GRIK3: variants seen among roughly 807,000 people sequenced by gnomAD.
The protein encoded by GRIK3 is glutamate ionotropic receptor kainate type subunit 3, also known as glutamate receptor ionotropic, kainate 3.
GRIK3 carries 29 observed loss-of-function variants against 102.5 expected under a neutral mutation model. That is an observed-to-expected ratio of 0.28 (90% CI 0.21 to 0.39). The LOEUF is 0.39. Ranked by LOEUF, GRIK3 falls within the 10% of genes least tolerant of loss-of-function variation. The pLI, the probability that GRIK3 is intolerant of heterozygous loss-of-function variation, is 1.00. For missense variants in GRIK3, 908 were observed against 1,252.4 expected, an observed-to-expected ratio of 0.73 and a Z score of 4.15; for synonymous variants, 511 against 504.9, an observed-to-expected ratio of 1.01 and a Z score of -0.16.
In GRIK3 at chr1:36,819,904, C is replaced by T. The variant is rs1043182481; in HGVS notation, c.1755-50G>A. On this transcript the variant is annotated intron_variant, in intron 11 of 15. Transcript: ENST00000373091. This position sits in a 1 kb window ranked among gnomAD's most constrained non-coding sequence, Gnocchi z 4.1. ...CAGCCTGGGAAGCAAGGGGCATCCACGCCCCAGCAGGCAGTGGTTTAGCAA... is the reference window on the plus strand; with the variant it reads ...CAGCCTGGGAAGCAAGGGGCATCCATGCCCCAGCAGGCAGTGGTTTAGCAA... 17 of 929,360 alleles carry T rather than the reference C, an allele frequency of 1.8e-5. No homozygotes were observed. The highest frequency in any genetic ancestry group is 2.8e-5 in the South Asian group (2 of 72,240). The allele number at this position is 929,360 out of a possible 1,614,324, so 57.6% of individuals were successfully genotyped here.
At chr1:36,893,361 ATG>A (rs1641138282) in intron 1 of GRIK3, among the ~76,000 whole-genome samples, 1 of 152,212 alleles carries the variant, frequency 6.6e-6, no homozygotes. Flanking sequence ...CCATAGAAAA[ATG>A]TGCAAAGGAC....
chr1:36,841,827 G>T lies in GRIK3; in HGVS notation c.1439C>A (p.Ser480Tyr), dbSNP rs1281653949. 2 of 1,614,050 alleles carry T rather than the reference G, an allele frequency of 1.2e-6. No homozygotes were observed. The highest frequency in any genetic ancestry group is 1.7e-6 in the Non-Finnish European group (2 of 1,180,010). ...LKELAHILGF[S>Y]YEIRLVEDGK... The stretch of plus-strand genomic sequence containing the variant: ...GTCCTCCACCAGCCGGATCTCATAG[G>T]AGAAACCAAGGATGTGGGCCAGCTC... The change falls in exon 10 of 16, where the codon TCC becomes TAC. Residue 480 changes from serine to tyrosine, a missense_variant. By Grantham distance (144) the Ser-to-Tyr change is moderately radical. Around this residue, in one of 3 missense-constraint regions of GRIK3, gnomAD observed 585 missense variants for 824.9 expected, o/e 0.71. Coordinates refer to ENST00000373091, the MANE Select transcript of GRIK3 (RefSeq NM_000831.4).
chr1:36,878,276 G>C (rs987613237), intron 3 of GRIK3, among the ~76,000 whole-genome samples: 9 of 152,248 alleles, frequency 5.9e-5, no homozygotes, highest in Non-Finnish European at 1.0e-4. Context: ...GAGGTGGGCA[G>C]GAGTGCCCCT....
chr1:36,826,513 A>G (rs751131912), intron 10 of GRIK3, among the ~76,000 whole-genome samples: 1 of 152,030 alleles, frequency 6.6e-6, no homozygotes, highest in Non-Finnish European at 1.5e-5. Context: ...ACAAAAAATT[A>G]AAAAGTTAGC....
At chr1:36,905,994 T>C (rs1192461303) in intron 1 of GRIK3, among the ~76,000 whole-genome samples, 1 of 152,134 alleles carries the variant, frequency 6.6e-6, no homozygotes, top group African/African-American at 2.4e-5. Context: ...ACAAGGATGG[T>C]GACATGTCTC....
In GRIK3 at chr1:36,805,140, C is replaced by A. The variant is rs41267295; in HGVS notation, c.2412G>T (p.Gly804=). ...CCTCTTTGTTTTCCTCCTCAGGACA[C>A]CCGCTGCCCCGCCACCACTTCTCCT... ...IMKEKWWRGS[G]CPEEENKEAS... The change falls in exon 15 of 16, where the codon GGG becomes GGT. Residue 804 remains glycine (G), a synonymous_variant. Transcript: ENST00000373091. 5.0e-6 allele frequency: 8 copies of A among 1,614,190 alleles called. No individual in the cohort carries two copies. Among genetic ancestry groups the A allele is most frequent in the Non-Finnish European group, 6.8e-6 (8 of 1,180,030 alleles).
At chr1:36,890,887 G>C in intron 2 of GRIK3, 33 bp downstream of exon 2, 1 of 1,539,092 alleles carries the variant, frequency 6.5e-7, no homozygotes, top group Non-Finnish European at 8.8e-7. Flanking sequence ...CCCCAGGCTG[G>C]GAAGAGAACA....
At position 37,034,171 on chromosome 1, in the gene GRIK3, T is replaced by C; in HGVS notation, c.-63A>G. ...GGCGGGCTCCCTGGGGCGGCAGCTC[T>C]AGGCGCGGGCGCGCAGCAGCCCCGA... On this transcript the variant is annotated 5_prime_UTR_variant, in exon 1 of 16. The change abolishes the stop of an existing upstream ORF in the 5' untranslated region. Coordinates refer to ENST00000373091, the MANE Select transcript of GRIK3 (RefSeq NM_000831.4). 1 of 654,006 alleles carries C rather than the reference T, an allele frequency of 1.5e-6. No individual in the cohort carries two copies. The highest frequency in any genetic ancestry group is 2.0e-5 in the African/African-American group (1 of 51,082). The allele number at this position is 654,006 out of a possible 1,614,324, so 40.5% of individuals were successfully genotyped here.
At chr1:36,917,928 C>T (rs536038368) in intron 1 of GRIK3, among the ~76,000 whole-genome samples, 1 of 152,270 alleles carries the variant, frequency 6.6e-6, no homozygotes, top group African/African-American at 2.4e-5. Context: ...CCAGTCACAG[C>T]CACTCAGAAA....
Position 36,880,592 on chromosome 1 carries a change from C to T in GRIK3, c.550+42G>A, listed in dbSNP as rs774254976. ...GAGCTTGATCCTGGGCCTCTGCCCCCCTCAACCGTTGCCCCCAGCCTAGCC... is the reference window on the plus strand; with the variant it reads ...GAGCTTGATCCTGGGCCTCTGCCCCTCTCAACCGTTGCCCCCAGCCTAGCC... On this transcript the variant is annotated intron_variant, in intron 3 of 15. Transcript: ENST00000373091. The surrounding 1 kb of genome is among the most constrained non-coding windows in gnomAD (Gnocchi z 5.4). 6.9e-6 allele frequency: 11 copies of T among 1,598,798 alleles called. No homozygotes were observed. In the African/African-American group the frequency reaches 8.0e-5, roughly 12 times the overall value.
At chr1:36,847,064 G>A (rs1640527811) in intron 9 of GRIK3, among the ~76,000 whole-genome samples, 2 of 152,264 alleles carry the variant, frequency 1.3e-5, no homozygotes, top group Admixed American at 6.5e-5. Flanking sequence ...TGGGGATGGA[G>A]ACAGCTGAAT....
Position 36,919,620 on chromosome 1 carries a change from T to C in GRIK3, c.116-28524A>G, listed in dbSNP as rs116707157. 1.1e-3 allele frequency among the ~76,000 whole-genome samples: 170 copies of C among 152,166 alleles called. 1 individual carries two copies. Among genetic ancestry groups the C allele is most frequent in the African/African-American group, 3.7e-3 (154 of 41,518 alleles). Reference sequence around the variant, plus strand: ...ACCCTGCCAGCCATCTCCTTCCAGGTATCAGTTTTTCTCACTCTCTGTCTC... The same window carrying C: ...ACCCTGCCAGCCATCTCCTTCCAGGCATCAGTTTTTCTCACTCTCTGTCTC... On this transcript the variant is annotated intron_variant, in intron 1 of 15. Coordinates refer to ENST00000373091, the MANE Select transcript of GRIK3 (RefSeq NM_000831.4).
chr1:37,014,281 C>T (rs1216443201), intron 1 of GRIK3, among the ~76,000 whole-genome samples: 1 of 152,150 alleles, frequency 6.6e-6, no homozygotes. Context: ...ATATTCAGCA[C>T]CTAGGAATGT....
intron 2 of GRIK3, among the ~76,000 whole-genome samples, chr1:36,884,041 G>A (rs767520860): frequency 1.5e-4 from 23 of 152,206 alleles, no homozygotes; most frequent in Non-Finnish European, 2.8e-4. Context: ...CCTGTAACAC[G>A]GGGCAGAACA....
intron 1 of GRIK3, among the ~76,000 whole-genome samples, chr1:36,947,908 C>T (rs1641802398): frequency 6.6e-6 from 1 of 152,086 alleles, no homozygotes. Context: ...GGTTCATGGC[C>T]ATCTCCGTGG....
At chr1:37,028,242 G>A (rs1305112905) in intron 1 of GRIK3, among the ~76,000 whole-genome samples, 2 of 152,146 alleles carry the variant, frequency 1.3e-5, no homozygotes, top group East Asian at 3.9e-4. Flanking sequence ...TTTCCTCAAG[G>A]CTTTGACAAT....
intron 1 of GRIK3, among the ~76,000 whole-genome samples, chr1:37,010,050 G>A (rs1019727590): frequency 1.3e-5 from 2 of 152,296 alleles, no homozygotes; most frequent in Non-Finnish European, 2.9e-5. Context: ...TGTATTTACC[G>A]ACATCTTTGG....
intron 7 of GRIK3, among the ~76,000 whole-genome samples, chr1:36,858,792 C>T (rs1024857292): frequency 2.0e-5 from 3 of 152,178 alleles, no homozygotes; most frequent in East Asian, 1.9e-4. Flanking sequence ...CTCTCCAGCT[C>T]GCCCAAGGTC....
At chr1:36,985,948 G>A (rs1642299484) in intron 1 of GRIK3, among the ~76,000 whole-genome samples, 1 of 152,076 alleles carries the variant, frequency 6.6e-6, no homozygotes, top group Non-Finnish European at 1.5e-5. Flanking sequence ...TCCTCACTGT[G>A]GTGTCCTTGT....
Sources: gnomAD v4.1 joint callset for allele counts (sites outside exome capture counted in the v4.1 genomes callset) on GRCh38, gnomAD v4.1.1 for gene constraint, gnomAD v4.1.1 regional missense constraint, Gnocchi (gnomAD v3.1) non-coding constraint, MANE v1.5 for transcripts, NCBI Gene and HGNC (gene_info 2026-07-23, HGNC 2026-07-21) for gene names.